The following PRPSAP2 variants were observed in gnomAD, a reference collection of about 807,000 sequenced individuals.
PRPSAP2 encodes the protein phosphoribosyl pyrophosphate synthase-associated protein 2.
PRPSAP2 carries 24 observed loss-of-function variants against 40.6 expected under a neutral mutation model. That is an observed-to-expected ratio of 0.59 (90% CI 0.43 to 0.83). The LOEUF is 0.83. PRPSAP2 is among the 40% of genes least tolerant of loss of function. PRPSAP2 has a pLI of 0.00. For missense variants in PRPSAP2, 292 were observed against 465.6 expected (o/e 0.63, Z 3.43); for synonymous variants, 149 against 164.7 (o/e 0.90, Z 0.73).
In PRPSAP2 at chr17:18,882,754, G is replaced by A. The variant is rs2038854118; in HGVS notation, c.528+71G>A. 3.9e-5 allele frequency: 40 copies of A among 1,013,176 alleles called. 1 individual carries two copies. The South Asian group carries it at 5.4e-4, about 14-fold the overall frequency. 62.8% of individuals were successfully genotyped at this position (1,013,176 alleles called of 1,614,324 possible). A position where few individuals can be genotyped will look rare whatever the true frequency, so the allele number is the denominator to read the frequency against. On this transcript the variant is annotated intron_variant, in intron 7 of 11. Transcript: ENST00000268835. ...GAAAGATGTATTTCCATTTCCTTAG[G>A]ATACCCCTAAAGGATTAAAACTTGA...
Position 18,911,062 on chromosome 17 carries a change from G to T in PRPSAP2, c.585-41G>T. On this transcript the variant is annotated intron_variant, in intron 8 of 11. Coordinates refer to ENST00000268835, the MANE Select transcript of PRPSAP2 (RefSeq NM_002767.4). This position sits in a 1 kb window ranked among gnomAD's most constrained non-coding sequence, Gnocchi z 4.5. ...CCCCTAGGCATTAGCAGAACCAAGG[G>T]CTGCATGAGTTTTGAGCTTGTGTCT... is the stretch of plus-strand genomic sequence containing the variant. 2 of 1,566,218 alleles carry T rather than the reference G, an allele frequency of 1.3e-6. No homozygotes were observed. The highest frequency in any genetic ancestry group is 2.4e-5 in the South Asian group (2 of 85,104).
At chr17:18,900,559 TG>T (rs1167060892) in intron 8 of PRPSAP2, among the ~76,000 whole-genome samples, 1 of 152,140 alleles carries the variant, frequency 6.6e-6, no homozygotes, top group African/African-American at 2.4e-5. Flanking sequence ...GGCTTCTGAT[TG>T]GAATCTGGAC....
At chr17:18,893,513 G>A (rs532664467) in intron 8 of PRPSAP2, among the ~76,000 whole-genome samples, 25 of 152,048 alleles carry the variant, frequency 1.6e-4, no homozygotes, top group Admixed American at 1.3e-3. Flanking sequence ...TCAGCACTTC[G>A]GGAGGCTGAG....
intron 10 of PRPSAP2, among the ~76,000 whole-genome samples, chr17:18,926,895 C>T (rs1323071303): frequency 6.6e-6 from 1 of 152,144 alleles, no homozygotes; most frequent in African/African-American, 2.4e-5. Context: ...GCAAGGCACC[C>T]TCATGCTTCC....
At chr17:18,928,360 A>G (rs1008898706) in intron 10 of PRPSAP2, 9 of 200,066 alleles carry the variant, frequency 4.5e-5, no homozygotes, top group Non-Finnish European at 7.3e-5. Flanking sequence ...GAAAATTTGG[A>G]AATAAGGAAA....
chr17:18,898,206 C>T (rs2040043860), intron 8 of PRPSAP2, among the ~76,000 whole-genome samples: 1 of 151,274 alleles, frequency 6.6e-6, no homozygotes, highest in African/African-American at 2.4e-5. Context: ...ACTGTGTTGG[C>T]CAGGGTGGTC....
chr17:18,873,750 G>A lies in PRPSAP2; in HGVS notation c.239+1101G>A, dbSNP rs147275801. On this transcript the variant is annotated intron_variant, in intron 5 of 11. Coordinates refer to ENST00000268835, the MANE Select transcript of PRPSAP2 (RefSeq NM_002767.4). ...GGATAAAAAACTGTACTGAAGGAAT[G>A]TGTATTCCTGTCTGGTGTGACCTTT... Among the ~76,000 whole-genome samples the A allele has an allele frequency of 2.4e-4, 36 of 152,248 alleles. 1 individual carries two copies. In the East Asian group the frequency reaches 4.8e-3, roughly 20 times the overall value.
At chr17:18,929,984 G>GC (rs971669582) in intron 11 of PRPSAP2, among the ~76,000 whole-genome samples, 1 of 151,766 alleles carries the variant, frequency 6.6e-6, no homozygotes, top group African/African-American at 2.4e-5. Context: ...CCGTGAGTTG[G>GC]GGGGGGGCTC....
At chr17:18,912,645 G>A (rs770264152) in intron 9 of PRPSAP2, among the ~76,000 whole-genome samples, 2 of 152,116 alleles carry the variant, frequency 1.3e-5, no homozygotes, top group Non-Finnish European at 2.9e-5. Context: ...TCTGACGCAC[G>A]TTTCTCTCCG....
At chr17:18,917,878 C>T (rs1475324695) in intron 9 of PRPSAP2, among the ~76,000 whole-genome samples, 1 of 151,732 alleles carries the variant, frequency 6.6e-6, no homozygotes, top group Non-Finnish European at 1.5e-5. Flanking sequence ...AGTCAGTCTT[C>T]CCTGGTGTTC....
chr17:18,865,849 C>A lies in PRPSAP2; in HGVS notation c.16C>A (p.Pro6Thr). Reference sequence around the variant, plus strand: ...GAAGGTTTTGATGTTTTGTGTGACGCCACCTGAATTAGAAACCAAGATGAA... The same window carrying A: ...GAAGGTTTTGATGTTTTGTGTGACGACACCTGAATTAGAAACCAAGATGAA... MFCVT[P>T]PELETKMNIT... Residue 6 changes from proline (P) to threonine (T), a missense_variant, in exon 3 of 12, where the codon CCA (proline) becomes ACA (threonine). This residue lies in a region of PRPSAP2 where 51 missense variants were observed against 40.0 expected (regional missense o/e 1.28). Transcript: ENST00000268835. 6.6e-7 allele frequency: 1 copy of A among 1,512,128 alleles called. No homozygotes were observed. 93.7% of individuals were successfully genotyped at this position (1,512,128 alleles called of 1,614,324 possible).
chr17:18,906,186 A>G (rs2040571595), intron 8 of PRPSAP2, among the ~76,000 whole-genome samples: 1 of 152,098 alleles, frequency 6.6e-6, no homozygotes, highest in African/African-American at 2.4e-5. Context: ...ATAAATGTTT[A>G]CTTACGTGTG....
chr17:18,918,930 C>CT (rs962924060), intron 9 of PRPSAP2, among the ~76,000 whole-genome samples: 1 of 151,876 alleles, frequency 6.6e-6, no homozygotes, highest in Non-Finnish European at 1.5e-5. Context: ...TTAATTTTAC[C>CT]TTTTTTTGTG....
At chr17:18,925,067 C>G (rs898844041) in intron 10 of PRPSAP2, among the ~76,000 whole-genome samples, 2 of 151,990 alleles carry the variant, frequency 1.3e-5, no homozygotes. Flanking sequence ...TTGCAGTGAG[C>G]CAAGATTGTG....
chr17:18,925,839 C>T (rs1419523289), intron 10 of PRPSAP2, among the ~76,000 whole-genome samples: 3 of 152,148 alleles, frequency 2.0e-5, no homozygotes, highest in South Asian at 2.1e-4. Context: ...GGGCCGGGCA[C>T]GGTGGCTCAC....
intron 9 of PRPSAP2, among the ~76,000 whole-genome samples, chr17:18,922,975 A>G (rs576264544): frequency 4.6e-5 from 7 of 151,784 alleles, no homozygotes; most frequent in African/African-American, 1.7e-4. Flanking sequence ...CACCATGCCC[A>G]GCCTACTTTA....
At chr17:18,918,907 CAT>C (rs1004014991) in intron 9 of PRPSAP2, among the ~76,000 whole-genome samples, 7 of 152,150 alleles carry the variant, frequency 4.6e-5, no homozygotes, top group African/African-American at 1.7e-4. Flanking sequence ...TCAAATCAAA[CAT>C]GTTATTAAAA....
chr17:18,871,542 A>G (rs1363299193), intron 4 of PRPSAP2, among the ~76,000 whole-genome samples: 1 of 152,002 alleles, frequency 6.6e-6, no homozygotes, highest in African/African-American at 2.4e-5. Context: ...ACATATTTTG[A>G]GAGTAGGGAT....
intron 4 of PRPSAP2, among the ~76,000 whole-genome samples, chr17:18,868,483 GAA>G (rs777650890): frequency 6.7e-5 from 9 of 133,516 alleles, no homozygotes; most frequent in African/African-American, 8.2e-5. Flanking sequence ...TGTCTCAGGG[GAA>G]AAAAAAAAAA....
Sources: gnomAD v4.1 joint callset for allele counts (sites outside exome capture counted in the v4.1 genomes callset) on GRCh38, gnomAD v4.1.1 for gene constraint, gnomAD v4.1.1 regional missense constraint, Gnocchi (gnomAD v3.1) non-coding constraint, MANE v1.5 for transcripts, NCBI Gene and HGNC (gene_info 2026-07-23, HGNC 2026-07-21) for gene names.